The following DMD variants were observed in gnomAD, a reference collection of about 807,000 sequenced individuals.
DMD encodes the protein dystrophin.
DMD carries 63 observed loss-of-function variants against 330.1 expected under a neutral mutation model. That is an observed-to-expected ratio of 0.19 (90% CI 0.16 to 0.24). The LOEUF is 0.24. DMD is among the 10% of genes least tolerant of loss of function. DMD has a pLI of 1.00. For missense variants in DMD, 3,344 were observed against 2,684.1 expected (o/e 1.25, Z -5.43); for synonymous variants, 1,223 against 959.8 (o/e 1.27, Z -5.07).
intron 44 of DMD, among the ~76,000 whole-genome samples, chrX:32,162,570 C>T (rs2096853472): frequency 1.0e-5 from 1 of 97,520 alleles, no homozygotes; most frequent in South Asian, 5.3e-4. Context: ...TACAGACTGA[C>T]ATGAATTTGA....
chrX:32,770,937 A>G (rs2073531518), intron 7 of DMD, among the ~76,000 whole-genome samples: 1 of 111,897 alleles, frequency 8.9e-6, no homozygotes, highest in South Asian at 3.7e-4. Flanking sequence ...CCTTTCAACT[A>G]CAGGAACATT....
intron 44 of DMD, among the ~76,000 whole-genome samples, chrX:32,201,690 A>G (rs2097039589): frequency 9.0e-6 from 1 of 111,348 alleles, no homozygotes; most frequent in Non-Finnish European, 1.9e-5. Flanking sequence ...CAAATCCACT[A>G]TAGTTCTTCT....
chrX:31,285,688 G>A (rs2053149212), intron 62 of DMD, among the ~76,000 whole-genome samples: 1 of 111,417 alleles, frequency 9.0e-6, no homozygotes, highest in African/African-American at 3.3e-5. Flanking sequence ...GAGATAAAGA[G>A]GGAAGAAAAA....
intron 12 of DMD, among the ~76,000 whole-genome samples, chrX:32,611,745 C>T (rs1195382748): frequency 1.8e-5 from 2 of 111,838 alleles, no homozygotes; most frequent in Non-Finnish European, 3.8e-5. Context: ...TCGCTTTACA[C>T]TCCAGGCATC....
intron 55 of DMD, among the ~76,000 whole-genome samples, chrX:31,616,272 G>C (rs2078195046): frequency 8.9e-6 from 1 of 111,789 alleles, no homozygotes; most frequent in African/African-American, 3.3e-5. Flanking sequence ...GGGAAAAAGG[G>C]AAGATTCGAA....
At chrX:31,731,985 A>G (rs1311919616) in intron 51 of DMD, among the ~76,000 whole-genome samples, 1 of 111,337 alleles carries the variant, frequency 9.0e-6, no homozygotes, top group African/African-American at 3.3e-5. Context: ...CTTAGACTCA[A>G]AACAAGCCAT....
At chrX:33,002,702 G>A (rs1445544766) in intron 2 of DMD, among the ~76,000 whole-genome samples, 1 of 109,318 alleles carries the variant, frequency 9.1e-6, no homozygotes, top group Non-Finnish European at 1.9e-5. Flanking sequence ...TTTGCAAAGG[G>A]AGTAGCCTCT....
rs17340575 is a variant in DMD at position 31,146,514 on chromosome X, C to G, written c.10798-100G>C. 0.018 allele frequency: 16,045 copies of G among 906,552 alleles called. 628 individuals carry two copies. In the Admixed American group the frequency reaches 0.18, roughly 10 times the overall value. 74.7% of individuals were successfully genotyped at this position (906,552 alleles called of 1,213,427 possible). The stretch of plus-strand genomic sequence containing the variant: ...ACACTCAGGACTCATAAATTTTGAC[C>G]CTTCCTACTTTAGAAGCCCTCCCAA... On this transcript the variant is annotated intron_variant, in intron 75 of 78. Coordinates refer to ENST00000357033, the MANE Select transcript of DMD (RefSeq NM_004006.3).
At chrX:32,523,474 G>T (rs1263689386) in intron 17 of DMD, among the ~76,000 whole-genome samples, 1 of 112,252 alleles carries the variant, frequency 8.9e-6, no homozygotes, top group Non-Finnish European at 1.9e-5. Flanking sequence ...TTTGATAGTA[G>T]ATCATAAGAC....
chrX:32,748,249 C>T (rs2070314693), intron 7 of DMD, among the ~76,000 whole-genome samples: 1 of 106,918 alleles, frequency 9.4e-6, no homozygotes, highest in African/African-American at 3.5e-5. Context: ...GAGGCTGAGG[C>T]AGGAGAATTG....
chrX:32,553,527 T>G (rs933382101), intron 16 of DMD, among the ~76,000 whole-genome samples: 1 of 110,928 alleles, frequency 9.0e-6, no homozygotes, highest in Non-Finnish European at 1.9e-5. Context: ...AATTTATCTA[T>G]ATGACAAACC....
intron 1 of DMD, among the ~76,000 whole-genome samples, chrX:33,306,017 AG>A (rs1323534392): frequency 1.8e-5 from 2 of 112,071 alleles, no homozygotes; most frequent in African/African-American, 6.5e-5. Context: ...ACATTTTCTA[AG>A]AACTAGGCCT....
At chrX:32,553,373 C>T (rs747549568) in intron 16 of DMD, among the ~76,000 whole-genome samples, 1 of 110,804 alleles carries the variant, frequency 9.0e-6, no homozygotes, top group African/African-American at 3.3e-5. Flanking sequence ...AACACACGGA[C>T]TCAAAGAAGG....
chrX:32,449,368 C>A (rs58830605), intron 26 of DMD, among the ~76,000 whole-genome samples: 3 of 108,666 alleles, frequency 2.8e-5, no homozygotes, highest in Admixed American at 9.8e-5. Context: ...CAACATTACC[C>A]AAACCACAAA....
intron 2 of DMD, among the ~76,000 whole-genome samples, chrX:32,860,012 G>C (rs2149078724): frequency 9.0e-6 from 1 of 111,575 alleles, no homozygotes; most frequent in Non-Finnish European, 1.9e-5. Flanking sequence ...TAATGTATCT[G>C]CATATATATT....
At chrX:32,593,300 C>G (rs777896477) in intron 13 of DMD, among the ~76,000 whole-genome samples, 33 of 112,649 alleles carry the variant, frequency 2.9e-4, no homozygotes, top group Admixed American at 1.8e-3. Flanking sequence ...TCATCTGTTG[C>G]GTTCAAAGTT....
intron 45 of DMD, among the ~76,000 whole-genome samples, chrX:31,936,231 T>C (rs1317111027): frequency 2.7e-5 from 3 of 111,409 alleles, no homozygotes; most frequent in Non-Finnish European, 5.7e-5. Context: ...ACATTTTGAA[T>C]CATGTATCTG....
chrX:32,769,716 T>A (rs1438175114), intron 7 of DMD, among the ~76,000 whole-genome samples: 1 of 111,263 alleles, frequency 9.0e-6, no homozygotes, highest in Non-Finnish European at 1.9e-5. Context: ...GAATAATTTT[T>A]CTGTGTCACC....
At chrX:31,806,346 C>T (rs748967906) in intron 50 of DMD, among the ~76,000 whole-genome samples, 24 of 111,853 alleles carry the variant, frequency 2.1e-4, no homozygotes, top group African/African-American at 7.5e-4. Flanking sequence ...ACTAGGAATA[C>T]GAAGAGAAAA....
Sources: gnomAD v4.1 joint callset for allele counts (sites outside exome capture counted in the v4.1 genomes callset) on GRCh38, gnomAD v4.1.1 for gene constraint, MANE v1.5 for transcripts, NCBI Gene and HGNC (gene_info 2026-07-23, HGNC 2026-07-21) for gene names.